The following OPCML variants were observed in gnomAD, a reference collection of about 807,000 sequenced individuals.
OPCML encodes opioid-binding protein/cell adhesion molecule.
In OPCML, 13 loss-of-function variants were observed where a neutral mutation model predicts 37.8. That is an observed-to-expected ratio of 0.34 (90% CI 0.22 to 0.55). The LOEUF is 0.55. OPCML is among the 20% of genes least tolerant of loss of function. The probability of loss-of-function intolerance (pLI) is 0.91; values close to 1 mark genes in which losing one functional copy is unlikely to be tolerated. For missense variants in OPCML, 341 were observed against 435.6 expected, an observed-to-expected ratio of 0.78 and a Z score of 1.93; for synonymous variants, 176 against 168.8, an observed-to-expected ratio of 1.04 and a Z score of -0.33.
chr11:133,482,286 G>C (rs1015819082), intron 1 of OPCML, among the ~76,000 whole-genome samples: 2 of 152,190 alleles, frequency 1.3e-5, no homozygotes, highest in Non-Finnish European at 2.9e-5. Context: ...GGAAATGGGA[G>C]TTTGAAATCA....
intron 1 of OPCML, chr11:133,422,416 C>A: frequency 6.4e-6 from 6 of 935,150 alleles, no homozygotes; most frequent in Non-Finnish European, 7.4e-6. Context: ...CCAGTTCAAA[C>A]CCTTGCCCCA....
chr11:133,369,439 T>C, intron 1 of OPCML, among the ~76,000 whole-genome samples: 1 of 152,188 alleles, frequency 6.6e-6, no homozygotes, highest in African/African-American at 2.4e-5. Context: ...TTATTAGCTT[T>C]ATTGAGACAT....
At chr11:133,116,620 ATCC>A (rs1949337476) in intron 1 of OPCML, among the ~76,000 whole-genome samples, 1 of 152,124 alleles carries the variant, frequency 6.6e-6, no homozygotes, top group South Asian at 2.1e-4. Context: ...CCTAGAAGTG[ATCC>A]TGTAATCTTC....
chr11:132,429,425 G>A (rs2095988988), intron 7 of OPCML, among the ~76,000 whole-genome samples: 1 of 152,192 alleles, frequency 6.6e-6, no homozygotes, highest in Non-Finnish European at 1.5e-5. Context: ...GGAGAAGTCA[G>A]AGGAAAGGCC....
chr11:132,603,337 C>T (rs1938055197), intron 3 of OPCML, among the ~76,000 whole-genome samples: 1 of 152,120 alleles, frequency 6.6e-6, no homozygotes, highest in African/African-American at 2.4e-5. Context: ...TGCTATAATC[C>T]CCTTGGTCAC....
chr11:133,265,701 T>G (rs1941637262), intron 1 of OPCML, among the ~76,000 whole-genome samples: 1 of 152,208 alleles, frequency 6.6e-6, no homozygotes, highest in South Asian at 2.1e-4. Flanking sequence ...AAGATGTGTC[T>G]GAAGGAGTCA....
intron 1 of OPCML, among the ~76,000 whole-genome samples, chr11:132,992,706 G>A (rs1268533200): frequency 6.6e-6 from 1 of 152,096 alleles, no homozygotes; most frequent in East Asian, 1.9e-4. Context: ...GAAACGTGGA[G>A]GTTATGATTA....
At chr11:132,837,330 A>G (rs1354969534) in intron 2 of OPCML, among the ~76,000 whole-genome samples, 3 of 132,448 alleles carry the variant, frequency 2.3e-5, no homozygotes, top group Admixed American at 1.5e-4. Context: ...AAACAAGCAA[A>G]CAAACAAACA....
intron 2 of OPCML, among the ~76,000 whole-genome samples, chr11:132,929,849 A>G (rs1165568568): frequency 6.6e-6 from 1 of 152,216 alleles, no homozygotes; most frequent in African/African-American, 2.4e-5. Flanking sequence ...GACAAAATGT[A>G]ACACCCTTTA....
chr11:132,635,074 G>A (rs548973634), intron 3 of OPCML, among the ~76,000 whole-genome samples: 5 of 152,060 alleles, frequency 3.3e-5, no homozygotes, highest in Non-Finnish European at 5.9e-5. Context: ...ACTGTGAGAC[G>A]GTAACACTGC....
intron 3 of OPCML, among the ~76,000 whole-genome samples, chr11:132,582,947 T>C (rs1591584025): frequency 1.4e-5 from 2 of 146,772 alleles, no homozygotes; most frequent in Admixed American, 1.4e-4. Context: ...CCAGGCTCAA[T>C]GCATTCTCCT....
chr11:132,791,688 G>A (rs1040097275), intron 2 of OPCML, among the ~76,000 whole-genome samples: 7 of 152,056 alleles, frequency 4.6e-5, no homozygotes, highest in African/African-American at 1.4e-4. Flanking sequence ...GCATGCACTC[G>A]GCTGCCTCAT....
At chr11:133,293,634 A>C (rs2155531) in intron 1 of OPCML, among the ~76,000 whole-genome samples, 13,803 of 152,200 alleles carry the variant, frequency 0.091, 908 homozygotes, top group African/African-American at 0.18. Context: ...CTCAGCCCAC[A>C]CATGGTCACC....
At chr11:133,061,658 C>A (rs1005382330) in intron 1 of OPCML, among the ~76,000 whole-genome samples, 1 of 152,156 alleles carries the variant, frequency 6.6e-6, no homozygotes, top group Non-Finnish European at 1.5e-5. Flanking sequence ...GGGCAAGGAA[C>A]CTGATTTTGA....
At chr11:133,484,779 T>C (rs1298030330) in intron 1 of OPCML, among the ~76,000 whole-genome samples, 1 of 152,108 alleles carries the variant, frequency 6.6e-6, no homozygotes, top group Admixed American at 6.6e-5. Flanking sequence ...CTTTCAACTA[T>C]CAAAGATTTA....
At chr11:133,264,603 G>T (rs1268178959) in intron 1 of OPCML, among the ~76,000 whole-genome samples, 1 of 152,120 alleles carries the variant, frequency 6.6e-6, no homozygotes, top group East Asian at 1.9e-4. Context: ...GAACTAACAT[G>T]CTGGTGTCAA....
intron 3 of OPCML, among the ~76,000 whole-genome samples, chr11:132,570,820 G>GAGAGAGAGAGAGAGAGA (rs1245612388): frequency 2.7e-4 from 34 of 123,696 alleles, no homozygotes; most frequent in African/African-American, 5.5e-4. Context: ...GAGAGAGAGA[G>GAGAGAGAGAGAGAGAGA]GATATATACT....
intron 2 of OPCML, among the ~76,000 whole-genome samples, chr11:132,795,535 T>C (rs1938254537): frequency 6.6e-6 from 1 of 152,212 alleles, no homozygotes; most frequent in South Asian, 2.1e-4. Flanking sequence ...TAACCTATCA[T>C]TTAACTCCCC....
rs926155052 is a variant in OPCML at position 132,936,695 on chromosome 11, T to A, written c.146+6231A>T. On this transcript the variant is annotated intron_variant, in intron 2 of 7. Coordinates refer to ENST00000524381, the MANE Select transcript of OPCML (RefSeq NM_001012393.5). ...TAGGCAGTGCTGAGCAGCCTAGATATCACAGCTTCAATGTTCATTTCTTAA... is the reference window on the plus strand; with the variant it reads ...TAGGCAGTGCTGAGCAGCCTAGATAACACAGCTTCAATGTTCATTTCTTAA... Among the ~76,000 whole-genome samples the A allele has an allele frequency of 6.6e-5, 10 of 152,242 alleles. No homozygotes were observed. The South Asian group carries it at 1.9e-3, about 28-fold the overall frequency.
Sources: allele counts gnomAD v4.1 joint callset (sites outside exome capture counted in the v4.1 genomes callset), GRCh38; gene constraint gnomAD v4.1.1; transcripts MANE v1.5; gene names NCBI Gene and HGNC (gene_info 2026-07-23, HGNC 2026-07-21).